ERGIC1: variants seen among roughly 807,000 people sequenced by gnomAD.
The protein encoded by ERGIC1 is endoplasmic reticulum-Golgi intermediate compartment protein 1.
ERGIC1 carries 19 observed loss-of-function variants against 38.3 expected under a neutral mutation model. The observed-to-expected ratio is 0.50, with a 90% CI of 0.35 to 0.73. ERGIC1 has a LOEUF of 0.73. Ranked by LOEUF, ERGIC1 falls within the 30% of genes least tolerant of loss-of-function variation. The pLI, the probability that ERGIC1 is intolerant of heterozygous loss-of-function variation, is 0.01. For synonymous variants in ERGIC1, 124 were observed against 157.6 expected (o/e 0.79, Z 1.60); for missense variants, 294 against 389.2 (o/e 0.76, Z 2.06).
In ERGIC1 at chr5:172,946,445, G is replaced by T. The variant is rs1003551075; in HGVS notation, c.766-4264G>T. On this transcript the variant is annotated intron_variant, in intron 9 of 9. Transcript: ENST00000393784. ...CTCCTCCAGCTTCAGAATATCTGCT[G>T]TTGGATCCCATTGTTCCCACATCAT... 6.6e-5 allele frequency among the ~76,000 whole-genome samples: 10 copies of T among 152,314 alleles called. No individual in the cohort carries two copies. The East Asian group carries it at 1.7e-3, about 26-fold the overall frequency.
intron 1 of ERGIC1, among the ~76,000 whole-genome samples, chr5:172,850,694 C>T (rs1761381834): frequency 6.6e-6 from 1 of 152,118 alleles, no homozygotes; most frequent in Admixed American, 6.5e-5. Flanking sequence ...ACAAGAGCCT[C>T]ATATAGCCCT....
At position 172,837,853 on chromosome 5, in the gene ERGIC1, C is replaced by T. The variant is rs1761072238; in HGVS notation, c.20+3420C>T. On this transcript the variant is annotated intron_variant, in intron 1 of 9. Transcript: ENST00000393784. The surrounding 1 kb of genome is among the most constrained non-coding windows in gnomAD (Gnocchi z 4.3). ...ACATCCGTGTGTGTTGTTTCGAGTT[C>T]CGGCTGGCCTGGGGCCAGTAGCACC... is the stretch of plus-strand genomic sequence containing the variant. Among the ~76,000 whole-genome samples, 1 of 152,230 alleles carries T rather than the reference C, an allele frequency of 6.6e-6. No homozygotes were observed. Among genetic ancestry groups the T allele is most frequent in the African/African-American group, 2.4e-5 (1 of 41,462 alleles).
intron 3 of ERGIC1, among the ~76,000 whole-genome samples, chr5:172,906,558 A>G (rs1303823414): frequency 1.3e-5 from 2 of 152,118 alleles, no homozygotes; most frequent in Non-Finnish European, 2.9e-5. Context: ...TTCCTTGTGA[A>G]CAGCATCACA....
chr5:172,867,021 A>T (rs1433620798), intron 1 of ERGIC1: 1 of 374,498 alleles, frequency 2.7e-6, no homozygotes, highest in South Asian at 1.9e-5. Context: ...GATGGAGATG[A>T]TGATGCAGAT....
intron 1 of ERGIC1, among the ~76,000 whole-genome samples, chr5:172,844,090 A>G (rs755281057): frequency 6.6e-6 from 1 of 152,180 alleles, no homozygotes; most frequent in African/African-American, 2.4e-5. Context: ...GGGCACAGAT[A>G]CAATCACATG....
Position 172,906,182 on chromosome 5 carries a change from T to C in ERGIC1, c.156-3485T>C, listed in dbSNP as rs143981046. The C allele has an allele frequency of 1.4e-3, 657 of 456,168 alleles. 2 individuals are homozygous for C. The highest frequency in any genetic ancestry group is 0.012 in the African/African-American group (622 of 50,148). 28.3% of individuals were successfully genotyped at this position (456,168 alleles called of 1,614,324 possible). ...CACTACAAGCAAGGTCAAGCGCAGG[T>C]CCGTGTCTCCCCTCTCCCATCCTAA... On this transcript the variant is annotated intron_variant, in intron 3 of 9. Coordinates refer to ENST00000393784, the MANE Select transcript of ERGIC1 (RefSeq NM_001031711.3).
intron 1 of ERGIC1, among the ~76,000 whole-genome samples, chr5:172,839,912 G>A (rs1761120741): frequency 6.6e-6 from 1 of 152,216 alleles, no homozygotes; most frequent in African/African-American, 2.4e-5. Context: ...ACTGTGTCCT[G>A]TAGGCTCATC....
At chr5:172,940,252 G>A (rs1763980069) in intron 9 of ERGIC1, among the ~76,000 whole-genome samples, 1 of 152,146 alleles carries the variant, frequency 6.6e-6, no homozygotes, top group African/African-American at 2.4e-5. Context: ...GCCTACAACA[G>A]TTTTTCCTCC....
At chr5:172,867,112 C>T (rs1175964682) in intron 1 of ERGIC1, 1 of 446,896 alleles carries the variant, frequency 2.2e-6, no homozygotes, top group Non-Finnish European at 4.5e-6. Context: ...TGGCTTCAGG[C>T]TGTGGGGGCT....
intron 1 of ERGIC1, among the ~76,000 whole-genome samples, chr5:172,845,838 C>T (rs1761271339): frequency 6.6e-6 from 1 of 152,066 alleles, no homozygotes; most frequent in South Asian, 2.1e-4. Context: ...GCCCATTTTC[C>T]ACTGATGTCC....
rs1312131248 is a variant in ERGIC1, at chr5:172,926,148, C to T, written c.481-361C>T. On this transcript the variant is annotated intron_variant, in intron 6 of 9. Coordinates refer to ENST00000393784, the MANE Select transcript of ERGIC1 (RefSeq NM_001031711.3). This position sits in a 1 kb window ranked among gnomAD's most constrained non-coding sequence, Gnocchi z 5.2. ...AGAGTCCAGCTTAGTGTCAGACAGA[C>T]CTGATTTCAGAGTTTAGCTTAGCCA... 6.6e-6 allele frequency among the ~76,000 whole-genome samples: 1 copy of T among 152,180 alleles called. No individual in the cohort carries two copies. The highest frequency in any genetic ancestry group is 1.5e-5 in the Non-Finnish European group (1 of 68,040).
intron 1 of ERGIC1, among the ~76,000 whole-genome samples, chr5:172,856,093 G>C (rs1561703237): frequency 6.6e-6 from 1 of 152,206 alleles, no homozygotes. Flanking sequence ...CTTGGCAGGA[G>C]AGACCCTGAA....
chr5:172,896,806 G>A (rs1762733831), intron 2 of ERGIC1, among the ~76,000 whole-genome samples, 196 bp from the exon 3 acceptor site: 1 of 152,226 alleles, frequency 6.6e-6, no homozygotes, highest in Non-Finnish European at 1.5e-5. Context: ...TCCACACCTG[G>A]AGGCCAGACC....
In ERGIC1 at chr5:172,952,145, C is replaced by T. The variant is rs982421495; in HGVS notation, c.*1329C>T. 1.3e-4 allele frequency: 20 copies of T among 152,310 alleles called. No individual in the cohort carries two copies. Among genetic ancestry groups the T allele is most frequent in the Middle Eastern group, 6.8e-3 (2 of 294 alleles). The allele number at this position is 152,310 out of a possible 1,614,324, so 9.4% of individuals were successfully genotyped here. Reference sequence around the variant, plus strand: ...CTCATGTCCCAGGGAGAGAGCCACACGCCTGTTTTCCATTTATAGCAAGAT... The same window carrying T: ...CTCATGTCCCAGGGAGAGAGCCACATGCCTGTTTTCCATTTATAGCAAGAT... On this transcript the variant is annotated 3_prime_UTR_variant, in exon 10 of 10. Coordinates refer to ENST00000393784, the MANE Select transcript of ERGIC1 (RefSeq NM_001031711.3).
intron 1 of ERGIC1, among the ~76,000 whole-genome samples, chr5:172,871,031 C>T (rs1461739732): frequency 6.6e-6 from 1 of 152,246 alleles, no homozygotes; most frequent in East Asian, 1.9e-4. Flanking sequence ...GAGGGGAAGA[C>T]ACCAATAGTA....
Position 172,934,915 on chromosome 5 carries a change from C to T in ERGIC1, c.643-273C>T, listed in dbSNP as rs1440209331. On this transcript the variant is annotated intron_variant, in intron 8 of 9. Coordinates refer to ENST00000393784, the MANE Select transcript of ERGIC1 (RefSeq NM_001031711.3). ...TTGCACTTTTCCTTTTACAGCTCTGCTTTCTAATTTATTTTCTGATTCTGG... is the reference window on the plus strand; with the variant it reads ...TTGCACTTTTCCTTTTACAGCTCTGTTTTCTAATTTATTTTCTGATTCTGG... The T allele has an allele frequency of 6.4e-6, 3 of 466,586 alleles. No homozygotes were observed. The East Asian group carries it at 1.1e-4, about 17-fold the overall frequency. 28.9% of individuals were successfully genotyped at this position (466,586 alleles called of 1,614,324 possible). A position where few individuals can be genotyped will look rare whatever the true frequency, so the allele number is the denominator to read the frequency against.
chr5:172,897,826 C>T (rs1561724060), intron 3 of ERGIC1: 1 of 414,154 alleles, frequency 2.4e-6, no homozygotes, highest in Non-Finnish European at 4.4e-6. Context: ...ACCCCCTTCC[C>T]ATTTCTCAGG....
At chr5:172,844,632 C>G (rs1010922689) in intron 1 of ERGIC1, among the ~76,000 whole-genome samples, 4 of 152,196 alleles carry the variant, frequency 2.6e-5, no homozygotes, top group African/African-American at 9.6e-5. Flanking sequence ...TCTTTGGGCA[C>G]AGGCAGCCTC....
At chr5:172,914,254 A>AAAAAAAAAAAAAAAT (rs796565475) in intron 4 of ERGIC1, among the ~76,000 whole-genome samples, 4 of 131,328 alleles carry the variant, frequency 3.0e-5, no homozygotes, top group Non-Finnish European at 4.8e-5. Context: ...AAAAAAAAAA[A>AAAAAAAAAAAAAAAT]AAATACAAAG....
Sources: gnomAD v4.1 joint callset for allele counts (sites outside exome capture counted in the v4.1 genomes callset) on GRCh38, gnomAD v4.1.1 for gene constraint, Gnocchi (gnomAD v3.1) non-coding constraint, MANE v1.5 for transcripts, NCBI Gene and HGNC (gene_info 2026-07-23, HGNC 2026-07-21) for gene names.